Variants in ANGPT1 observed in about 807,000 individuals in gnomAD.
ANGPT1 encodes the protein angiopoietin 1.
In ANGPT1, 17 loss-of-function variants were observed where a neutral mutation model predicts 62.2. The observed-to-expected ratio is 0.27, with a 90% CI of 0.19 to 0.41. The LOEUF is 0.41. ANGPT1 is among the 10% of genes least tolerant of loss of function. ANGPT1 has a pLI of 1.00. For synonymous variants in ANGPT1, 199 were observed against 198.9 expected (o/e 1.00, Z 0.00); for missense variants, 478 against 594.9 (o/e 0.80, Z 2.04).
At chr8:107,399,586 T>C (rs1485519225) in intron 1 of ANGPT1, among the ~76,000 whole-genome samples, 2 of 152,048 alleles carry the variant, frequency 1.3e-5, no homozygotes, top group Non-Finnish European at 2.9e-5. Flanking sequence ...GTAAAGGCCT[T>C]TCAAGATCCT....
chr8:107,357,650 T>A (rs1232714777), intron 1 of ANGPT1, among the ~76,000 whole-genome samples: 1 of 152,174 alleles, frequency 6.6e-6, no homozygotes, highest in Non-Finnish European at 1.5e-5. Context: ...ACATAGCTTA[T>A]AATGATGATC....
chr8:107,303,358 T>C lies in ANGPT1; in HGVS notation c.818A>G (p.Lys273Arg), dbSNP rs1315102274. The C allele has an allele frequency of 2.5e-6, 4 of 1,583,198 alleles. No homozygotes were observed. The highest frequency in any genetic ancestry group is 1.4e-5 in the African/African-American group (1 of 69,298). The change falls in exon 5 of 9, where the codon AAG (lysine) becomes AGG (arginine). Residue 273 changes from lysine (K) to arginine (R), a missense_variant. Physicochemically the swap from Lys to Arg is conservative, Grantham distance 26. Transcript: ENST00000517746. ...TTTCTCTTCCTCTCTTTTTCCTCCC[T>C]TTAGTAAAACTGCAAAAAAAAAAAA... Reference protein sequence around the residue: ...NLCTKEGVLLKGGKREEEKPF... With the variant: ...NLCTKEGVLLRGGKREEEKPF...
rs149650956 is a variant in ANGPT1, at chr8:107,376,488, C to T, written c.298-29391G>A. The stretch of plus-strand genomic sequence containing the variant: ...AGAAAGGAATTGCTATTAGAAAGAA[C>T]AGATCTTACAAAGGGATAGAAGACA... On this transcript the variant is annotated intron_variant, in intron 1 of 8. Transcript: ENST00000517746. Among the ~76,000 whole-genome samples the T allele has an allele frequency of 4.6e-3, 695 of 152,254 alleles. 8 individuals carry two copies. Among genetic ancestry groups the T allele is most frequent in the Middle Eastern group, 0.044 (13 of 294 alleles).
intron 8 of ANGPT1, among the ~76,000 whole-genome samples, chr8:107,259,132 T>C (rs1813435489): frequency 6.6e-6 from 1 of 152,184 alleles, no homozygotes; most frequent in African/African-American, 2.4e-5. Context: ...TAGATTTCTA[T>C]AGTCAATCTT....
intron 1 of ANGPT1, among the ~76,000 whole-genome samples, chr8:107,360,138 A>C (rs549598559): frequency 1.3e-4 from 20 of 152,294 alleles, no homozygotes; most frequent in African/African-American, 4.6e-4. Context: ...TCAAGAAAAC[A>C]AACAAATAAG....
intron 2 of ANGPT1, among the ~76,000 whole-genome samples, chr8:107,338,153 GC>G (rs1815614317): frequency 6.6e-6 from 1 of 152,116 alleles, no homozygotes; most frequent in South Asian, 2.1e-4. Context: ...CTGGACTTGG[GC>G]TACAGGAATT....
intron 7 of ANGPT1, among the ~76,000 whole-genome samples, chr8:107,271,365 TTAAAG>T (rs1563543502): frequency 6.6e-6 from 1 of 152,068 alleles, no homozygotes; most frequent in East Asian, 1.9e-4. Context: ...TGCAAAAAAA[TTAAAG>T]TAATCAAACT....
intron 1 of ANGPT1, among the ~76,000 whole-genome samples, chr8:107,451,730 T>C (rs1385799304): frequency 1.3e-5 from 2 of 151,938 alleles, no homozygotes; most frequent in Non-Finnish European, 2.9e-5. Context: ...GAGGTCATCT[T>C]ACACCTATAG....
At chr8:107,304,344 C>G (rs1814665403) in intron 4 of ANGPT1, among the ~76,000 whole-genome samples, 1 of 151,520 alleles carries the variant, frequency 6.6e-6, no homozygotes, top group African/African-American at 2.4e-5. Context: ...TTAGTATTTT[C>G]TATTATGTAT....
intron 1 of ANGPT1, among the ~76,000 whole-genome samples, chr8:107,348,767 G>A (rs1477189686): frequency 1.3e-5 from 2 of 151,984 alleles, no homozygotes; most frequent in African/African-American, 4.8e-5. Flanking sequence ...TTTCCTAATA[G>A]CATTCTTTAA....
At chr8:107,275,852 G>A (rs1024852077) in intron 7 of ANGPT1, among the ~76,000 whole-genome samples, 11 of 152,116 alleles carry the variant, frequency 7.2e-5, no homozygotes, top group Middle Eastern at 3.2e-3. Flanking sequence ...TTGCCAACCT[G>A]TAAGTTTCTA....
intron 3 of ANGPT1, among the ~76,000 whole-genome samples, chr8:107,323,756 T>C (rs1245664580): frequency 6.6e-6 from 1 of 152,004 alleles, no homozygotes; most frequent in Non-Finnish European, 1.5e-5. Context: ...TTTTTTTGTT[T>C]TGCTTTTTGT....
chr8:107,452,223 T>C (rs1236547408), intron 1 of ANGPT1, among the ~76,000 whole-genome samples: 1 of 151,380 alleles, frequency 6.6e-6, no homozygotes, highest in African/African-American at 2.4e-5. Context: ...GTGTACCAAA[T>C]TTTTTCCCTC....
intron 7 of ANGPT1, among the ~76,000 whole-genome samples, chr8:107,282,345 A>C (rs1183724926): frequency 2.0e-5 from 3 of 151,218 alleles, no homozygotes; most frequent in Non-Finnish European, 4.4e-5. Flanking sequence ...AACCACATTG[A>C]ATGAGGCAGG....
At chr8:107,401,109 G>A (rs72672589) in intron 1 of ANGPT1, among the ~76,000 whole-genome samples, 2,917 of 152,168 alleles carry the variant, frequency 0.019, 38 homozygotes, top group Non-Finnish European at 0.028. Context: ...CTGGCATAGC[G>A]TTTTGAGTCC....
intron 1 of ANGPT1, among the ~76,000 whole-genome samples, chr8:107,413,038 A>C (rs887275547): frequency 1.3e-5 from 2 of 152,164 alleles, no homozygotes; most frequent in African/African-American, 4.8e-5. Flanking sequence ...TGTATTACAA[A>C]ACTAGTCTGG....
At chr8:107,284,628 T>C in intron 7 of ANGPT1, 54 bp downstream of exon 7, 5 of 1,312,104 alleles carry the variant, frequency 3.8e-6, no homozygotes, top group Non-Finnish European at 5.0e-6. Flanking sequence ...CCCACTACAA[T>C]TATTAAGTGG....
chr8:107,284,096 T>C (rs1175645614), intron 7 of ANGPT1: 2 of 152,226 alleles, frequency 1.3e-5, no homozygotes, highest in African/African-American at 4.8e-5. Flanking sequence ...AAGTGTATAG[T>C]TTATCTATTT....
At chr8:107,326,514 T>G (rs1279258300) in intron 3 of ANGPT1, among the ~76,000 whole-genome samples, 1 of 152,096 alleles carries the variant, frequency 6.6e-6, no homozygotes, top group Admixed American at 6.5e-5. Context: ...TTTTTTCATC[T>G]TCTCTTCATA....
Sources: gnomAD v4.1 joint callset for allele counts (sites outside exome capture counted in the v4.1 genomes callset) on GRCh38, gnomAD v4.1.1 for gene constraint, MANE v1.5 for transcripts, NCBI Gene and HGNC (gene_info 2026-07-23, HGNC 2026-07-21) for gene names.